TRABD2A: variants seen among roughly 807,000 people sequenced by gnomAD.
The protein encoded by TRABD2A is metalloprotease TIKI1.
TRABD2A carries 43 observed loss-of-function variants against 45.6 expected under a neutral mutation model. That is an observed-to-expected ratio of 0.94 (90% confidence interval 0.74 to 1.22). TRABD2A has a LOEUF of 1.22. TRABD2A is among the 50% of genes most tolerant of loss of function. The pLI, the probability that TRABD2A is intolerant of heterozygous loss-of-function variation, is 0.00. For synonymous variants in TRABD2A, 269 were observed against 265.0 expected (o/e 1.02, Z -0.15); for missense variants, 642 against 652.4 (o/e 0.98, Z 0.17).
intron 2 of TRABD2A, among the ~76,000 whole-genome samples, chr2:84,863,028 T>A (rs1309217829): frequency 6.6e-6 from 1 of 151,994 alleles, no homozygotes; most frequent in Non-Finnish European, 1.5e-5. Flanking sequence ...ACGTACAACA[T>A]CTGTATTGAC....
intron 4 of TRABD2A, among the ~76,000 whole-genome samples, chr2:84,838,421 A>G (rs1294333142): frequency 6.6e-6 from 1 of 152,198 alleles, no homozygotes; most frequent in Non-Finnish European, 1.5e-5. Flanking sequence ...TATTGCTGCT[A>G]TGGAAGAACA....
At chr2:84,852,336 G>A (rs1682125877) in intron 2 of TRABD2A, among the ~76,000 whole-genome samples, 1 of 152,166 alleles carries the variant, frequency 6.6e-6, no homozygotes, top group Non-Finnish European at 1.5e-5. Flanking sequence ...TAGCCACCAA[G>A]GGTCCAGGAA....
chr2:84,857,500 G>A (rs1345078488), intron 2 of TRABD2A, among the ~76,000 whole-genome samples: 1 of 152,182 alleles, frequency 6.6e-6, no homozygotes, highest in African/African-American at 2.4e-5. Flanking sequence ...CCTGGGGCCA[G>A]TTAGGCATGA....
Position 84,841,943 on chromosome 2 carries a change from A to T in TRABD2A, c.734T>A (p.Ile245Asn), listed in dbSNP as rs1338331944. 1.3e-5 allele frequency: 20 copies of T among 1,547,948 alleles called. No individual in the cohort carries two copies. Among genetic ancestry groups the T allele is most frequent in the African/African-American group, 2.7e-5 (2 of 72,934 alleles). Residue 245 changes from isoleucine to asparagine, a missense_variant, in exon 3 of 7, where the codon ATC becomes AAC. Transcript: ENST00000409520. ...QESLRAGSLQ[I>N]PYTTEDLIKH... is the part of the protein sequence containing the mutation. ...GATGAGATCCTCCGTCGTGTAGGGG[A>T]TCTGAAGACTGCCTGCTCGCAGGCT...
At chr2:84,837,499 A>G (rs1034694473) in intron 4 of TRABD2A, 1 of 152,116 alleles carries the variant, frequency 6.6e-6, no homozygotes, top group Non-Finnish European at 1.5e-5. Flanking sequence ...TCTGGAACTC[A>G]TCTCCTCTCC....
intron 1 of TRABD2A, among the ~76,000 whole-genome samples, chr2:84,878,728 T>C (rs1683109737): frequency 1.3e-5 from 2 of 152,174 alleles, no homozygotes; most frequent in South Asian, 4.1e-4. Context: ...TGCAGAATCC[T>C]ATAGGGGCTG....
chr2:84,829,268 A>G (rs1681239374), intron 5 of TRABD2A, among the ~76,000 whole-genome samples: 1 of 151,956 alleles, frequency 6.6e-6, no homozygotes, highest in Non-Finnish European at 1.5e-5. Flanking sequence ...GGAATCTCCT[A>G]GAGAGCTTCT....
intron 2 of TRABD2A, among the ~76,000 whole-genome samples, chr2:84,844,700 C>A (rs1232182365): frequency 6.6e-6 from 1 of 152,214 alleles, no homozygotes; most frequent in African/African-American, 2.4e-5. Context: ...GAGGAACAAA[C>A]CTTCAAAGGT....
At chr2:84,842,768 T>C (rs1396357964) in intron 2 of TRABD2A, among the ~76,000 whole-genome samples, 2 of 151,858 alleles carry the variant, frequency 1.3e-5, no homozygotes. Context: ...AAACAGGTTT[T>C]AATTTTACAG....
At chr2:84,850,323 A>G (rs1245888998) in intron 2 of TRABD2A, among the ~76,000 whole-genome samples, 2 of 152,148 alleles carry the variant, frequency 1.3e-5, no homozygotes, top group Non-Finnish European at 1.5e-5. Context: ...AATTATAATA[A>G]TCATCACAAT....
intron 2 of TRABD2A, among the ~76,000 whole-genome samples, chr2:84,848,023 G>C (rs549433977): frequency 9.2e-4 from 140 of 152,174 alleles, no homozygotes; most frequent in Non-Finnish European, 1.8e-3. Flanking sequence ...AGTCATTTTT[G>C]AGTAGGGCCA....
In TRABD2A at chr2:84,838,168, C is replaced by A. The variant is rs998163677; in HGVS notation, c.991+981G>T. ...GAACTTTGAACCCATTCTGTCCCCT[C>A]CAGTAACCATTAGGCAAACAGTTTT... On this transcript the variant is annotated intron_variant, in intron 4 of 6. Coordinates refer to ENST00000409520, the MANE Select transcript of TRABD2A (RefSeq NM_001277053.2). 74 of 715,322 alleles carry A rather than the reference C, an allele frequency of 1.0e-4. No homozygotes were observed. The African/African-American group carries it at 1.3e-3, about 12-fold the overall frequency. The allele number at this position is 715,322 out of a possible 1,614,324, so 44.3% of individuals were successfully genotyped here.
chr2:84,862,758 A>G (rs1682540550), intron 2 of TRABD2A, among the ~76,000 whole-genome samples: 1 of 152,134 alleles, frequency 6.6e-6, no homozygotes, highest in South Asian at 2.1e-4. Context: ...ATGTGTCCCA[A>G]ATAAAAAGGG....
At chr2:84,874,529 T>C (rs1362467823) in intron 1 of TRABD2A, among the ~76,000 whole-genome samples, 1 of 152,204 alleles carries the variant, frequency 6.6e-6, no homozygotes. Context: ...CTTTAAGTCT[T>C]TCAGCCTGGA....
intron 2 of TRABD2A, among the ~76,000 whole-genome samples, chr2:84,846,935 T>C (rs1364864381): frequency 6.6e-6 from 1 of 152,210 alleles, no homozygotes; most frequent in Non-Finnish European, 1.5e-5. Flanking sequence ...TATCCAGCTG[T>C]CCCACTCCAG....
intron 2 of TRABD2A, among the ~76,000 whole-genome samples, chr2:84,860,780 C>T (rs1005610034): frequency 6.6e-6 from 1 of 152,224 alleles, no homozygotes; most frequent in Non-Finnish European, 1.5e-5. Context: ...TAGGCAATGG[C>T]GCCTGCTTTC....
intron 2 of TRABD2A, among the ~76,000 whole-genome samples, chr2:84,856,607 A>G (rs1682315911): frequency 6.6e-6 from 1 of 152,194 alleles, no homozygotes; most frequent in African/African-American, 2.4e-5. Context: ...TATGTTGTCA[A>G]TGATGACGGT....
chr2:84,840,107 T>A (rs544517861), intron 3 of TRABD2A, among the ~76,000 whole-genome samples: 1 of 152,130 alleles, frequency 6.6e-6, no homozygotes, highest in Non-Finnish European at 1.5e-5. Context: ...TTGGTCAGTA[T>A]CTACCCTGCC....
chr2:84,828,949 A>G (rs1395617432), intron 5 of TRABD2A, among the ~76,000 whole-genome samples: 2 of 152,192 alleles, frequency 1.3e-5, no homozygotes, highest in African/African-American at 4.8e-5. Context: ...GGGTAGGGAA[A>G]GGATCTCTGG....
Sources: gnomAD v4.1 joint callset for allele counts (sites outside exome capture counted in the v4.1 genomes callset) on GRCh38, gnomAD v4.1.1 for gene constraint, MANE v1.5 for transcripts, NCBI Gene and HGNC (gene_info 2026-07-23, HGNC 2026-07-21) for gene names.